HELZ: variants seen among roughly 807,000 people sequenced by gnomAD.
The protein encoded by HELZ is helicase with zinc finger.
A neutral mutation model predicts 218.2 loss-of-function variants in HELZ; 23 were observed. The observed-to-expected ratio is 0.11, with a 90% CI of 0.08 to 0.15. HELZ has a LOEUF of 0.15. Ranked by LOEUF, HELZ falls within the 10% of genes least tolerant of loss-of-function variation. HELZ has a pLI of 1.00. For synonymous variants in HELZ, 814 were observed against 829.4 expected (o/e 0.98, Z 0.32); for missense variants, 1,813 against 2,353.7 (o/e 0.77, Z 4.75).
At chr17:67,179,469 T>A (rs575692320) in intron 12 of HELZ, 1 of 152,558 alleles carries the variant, frequency 6.6e-6, no homozygotes, top group Non-Finnish European at 1.5e-5. Context: ...CACTGCTAAG[T>A]CCTTATTAAA....
rs374249183 is a variant in HELZ, at chr17:67,182,994, G to C, written c.1163-4068C>G. On this transcript the variant is annotated intron_variant, in intron 12 of 32. Transcript: ENST00000358691. ...ACCCAGCACAAGGGTTGACATGTAA[G>C]AGGCAGGTAATAAATGGGTGTTAAA... is the stretch of plus-strand genomic sequence containing the variant. Among the ~76,000 whole-genome samples the C allele has an allele frequency of 7.9e-5, 12 of 152,338 alleles. No homozygotes were observed. The East Asian group carries it at 2.1e-3, about 27-fold the overall frequency.
chr17:67,199,210 CTTTTTTTTT>C (rs1156398239), intron 7 of HELZ, among the ~76,000 whole-genome samples: 3 of 122,982 alleles, frequency 2.4e-5, no homozygotes, highest in African/African-American at 9.0e-5. Flanking sequence ...TTTGCCATTA[CTTTTTTTTT>C]TTTTTTTTTT....
At chr17:67,211,582 T>C (rs919209918) in intron 5 of HELZ, among the ~76,000 whole-genome samples, 1 of 152,178 alleles carries the variant, frequency 6.6e-6, no homozygotes, top group African/African-American at 2.4e-5. Flanking sequence ...AATAATGGGC[T>C]GGGCACGGTG....
intron 14 of HELZ, 37 bp downstream of exon 14, chr17:67,167,426 C>A: frequency 1.4e-6 from 2 of 1,440,296 alleles, no homozygotes; most frequent in Non-Finnish European, 1.9e-6. Context: ...AATGAGGCTA[C>A]AGACCACTAT....
rs2038581181 is a variant in HELZ at position 67,148,578 on chromosome 17, G to A, written c.2612C>T (p.Ala871Val). The A allele has an allele frequency of 1.2e-6, 2 of 1,612,374 alleles. No individual in the cohort carries two copies. The highest frequency in any genetic ancestry group is 2.7e-5 in the African/African-American group (2 of 74,800). Residue 871 changes from alanine to valine, a missense_variant, in exon 20 of 33, where the codon GCT becomes GTT. Ala to Val is a moderately conservative substitution (Grantham distance 64). Coordinates refer to ENST00000358691, the MANE Select transcript of HELZ (RefSeq NM_014877.4). ...GGCAGTTCACACCTACTTGATGATA[G>A]CTTCATGGGAGCGGTAGTTCTCACA... ...LLCENYRSHEAIINYTSELFY... is the reference protein window; with the variant it reads ...LLCENYRSHEVIINYTSELFY...
At chr17:67,178,961 C>G in intron 12 of HELZ, 35 bp from the exon 13 acceptor site, 1 of 1,436,114 alleles carries the variant, frequency 7.0e-7, no homozygotes, top group Non-Finnish European at 9.5e-7. Context: ...TATAAAGAAA[C>G]AGAACATTAA....
chr17:67,128,972 A>G (rs1413096437), intron 23 of HELZ, 117 bp from the exon 24 acceptor site: 1 of 740,198 alleles, frequency 1.4e-6, no homozygotes, highest in South Asian at 1.8e-5. Flanking sequence ...CTTAAACCCA[A>G]TAGTCATCTA....
chr17:67,196,003 C>G (rs2040018154), intron 7 of HELZ, among the ~76,000 whole-genome samples: 3 of 151,902 alleles, frequency 2.0e-5, no homozygotes, highest in African/African-American at 7.3e-5. Context: ...AGATGCCCAC[C>G]ACCACGCCTG....
At chr17:67,083,339 A>G (rs963810478) in intron 32 of HELZ, among the ~76,000 whole-genome samples, 1 of 152,034 alleles carries the variant, frequency 6.6e-6, no homozygotes, top group African/African-American at 2.4e-5. Context: ...TACAACTAAT[A>G]TTTTTCAAAA....
chr17:67,134,851 C>CCTACACCT (rs2038098272), intron 23 of HELZ, among the ~76,000 whole-genome samples: 2 of 152,148 alleles, frequency 1.3e-5, no homozygotes. Flanking sequence ...TTCAGGACTA[C>CCTACACCT]CTACATCTCT....
At chr17:67,205,324 CAAA>C (rs750485034) in intron 5 of HELZ, among the ~76,000 whole-genome samples, 1 of 120,318 alleles carries the variant, frequency 8.3e-6, no homozygotes. Context: ...GAAACTGTCT[CAAA>C]AAAAAAAAAA....
At chr17:67,171,532 T>C (rs1368819150) in intron 13 of HELZ, among the ~76,000 whole-genome samples, 1 of 152,210 alleles carries the variant, frequency 6.6e-6, no homozygotes, top group African/African-American at 2.4e-5. Flanking sequence ...CCCTCCTTCC[T>C]AATTCATCTG....
chr17:67,123,280 C>T, intron 25 of HELZ, 120 bp from the exon 26 acceptor site: 2 of 545,840 alleles, frequency 3.7e-6, no homozygotes, highest in Non-Finnish European at 5.9e-6. Context: ...ATCTTATCAT[C>T]AAAGAATTAT....
intron 7 of HELZ, among the ~76,000 whole-genome samples, chr17:67,198,628 G>A (rs1323545179): frequency 6.6e-6 from 1 of 152,158 alleles, no homozygotes; most frequent in African/African-American, 2.4e-5. Flanking sequence ...TGTTACTAAA[G>A]AATATTTACT....
intron 27 of HELZ, among the ~76,000 whole-genome samples, chr17:67,119,000 A>C (rs1009192294): frequency 2.0e-5 from 3 of 152,188 alleles, no homozygotes; most frequent in African/African-American, 7.2e-5. Flanking sequence ...TTAAAAAAAG[A>C]CTGAGCATAC....
intron 12 of HELZ, among the ~76,000 whole-genome samples, chr17:67,181,098 G>C (rs1214726424): frequency 6.6e-6 from 1 of 151,958 alleles, no homozygotes; most frequent in South Asian, 2.1e-4. Flanking sequence ...TAATAGTAAG[G>C]AATCTATTTA....
intron 8 of HELZ, 76 bp downstream of exon 8, chr17:67,195,343 A>T (rs560955733): frequency 8.1e-6 from 7 of 862,426 alleles, no homozygotes; most frequent in Non-Finnish European, 1.4e-5. Context: ...TAACTCAGTA[A>T]ATTTTCTCCC....
intron 31 of HELZ, among the ~76,000 whole-genome samples, chr17:67,101,002 C>A (rs1163958188): frequency 2.0e-5 from 3 of 150,810 alleles, no homozygotes; most frequent in Non-Finnish European, 4.4e-5. Context: ...CCCAGCTACT[C>A]GGGAGGCTGA....
At chr17:67,243,361 G>A (rs1442832743) in intron 2 of HELZ, among the ~76,000 whole-genome samples, 1 of 152,124 alleles carries the variant, frequency 6.6e-6, no homozygotes, top group Admixed American at 6.5e-5. Context: ...TATACTTTAC[G>A]AGTCCCACAA....
Sources: allele counts gnomAD v4.1 joint callset (sites outside exome capture counted in the v4.1 genomes callset), GRCh38; gene constraint gnomAD v4.1.1; transcripts MANE v1.5; gene names NCBI Gene and HGNC (gene_info 2026-07-23, HGNC 2026-07-21).